DPYSL5: variants seen among roughly 807,000 people sequenced by gnomAD.
The protein encoded by DPYSL5 is dihydropyrimidinase-related protein 5.
DPYSL5 carries 9 observed loss-of-function variants against 58.4 expected under a neutral mutation model. That is an observed-to-expected ratio of 0.15 (90% CI 0.09 to 0.27). DPYSL5 has a LOEUF of 0.27. DPYSL5 is among the 10% of genes least tolerant of loss of function. The pLI is 1.00. For synonymous variants in DPYSL5, 293 were observed against 301.9 expected, an observed-to-expected ratio of 0.97 and a Z score of 0.31; for missense variants, 499 against 770.6, an observed-to-expected ratio of 0.65 and a Z score of 4.17.
intron 1 of DPYSL5, among the ~76,000 whole-genome samples, chr2:26,873,806 T>C (rs1007805850): frequency 1.3e-5 from 2 of 152,354 alleles, no homozygotes; most frequent in African/African-American, 4.8e-5. Flanking sequence ...GGGGTGGATC[T>C]TCTTTACTCG....
chr2:26,885,702 C>T (rs1183852706), intron 1 of DPYSL5, among the ~76,000 whole-genome samples: 1 of 152,168 alleles, frequency 6.6e-6, no homozygotes, highest in Non-Finnish European at 1.5e-5. Context: ...GACTGCTCTG[C>T]CTGATCAGTC....
chr2:26,890,966 A>G (rs1663865611), intron 1 of DPYSL5, among the ~76,000 whole-genome samples: 1 of 152,194 alleles, frequency 6.6e-6, no homozygotes, highest in Non-Finnish European at 1.5e-5. Flanking sequence ...AAACTTTCTA[A>G]GAGGCCCCAT....
rs116449148 is a variant in DPYSL5, at chr2:26,922,029, G to A, written c.262-2858G>A. On this transcript the variant is annotated intron_variant, in intron 2 of 12. Transcript: ENST00000288699. ...GGCTCTGGACTTTAGGGTCCTCTTC[G>A]GGCCCTCCAACAACTTGTACCCCTG... is the stretch of plus-strand genomic sequence containing the variant. 6.2e-3 allele frequency among the ~76,000 whole-genome samples: 945 copies of A among 152,162 alleles called. 10 individuals are homozygous for A. The highest frequency in any genetic ancestry group is 9.8e-3 in the Non-Finnish European group (665 of 68,002).
Position 26,928,238 on chromosome 2 carries a change from C to T in DPYSL5, c.601-17C>T. On this transcript the variant is annotated splice_polypyrimidine_tract_variant and intron_variant, in intron 4 of 12. Transcript: ENST00000288699. ...CTCTGTGATTCTCTCCATTTTCTTTCTCTTGCTGTTATCCAGGGTGCTAAG... is the reference window on the plus strand; with the variant it reads ...CTCTGTGATTCTCTCCATTTTCTTTTTCTTGCTGTTATCCAGGGTGCTAAG... 6.2e-7 allele frequency: 1 copy of T among 1,613,512 alleles called. No homozygotes were observed. Among genetic ancestry groups the T allele is most frequent in the Non-Finnish European group, 8.5e-7 (1 of 1,179,620 alleles).
chr2:26,894,110 T>C (rs1663955523), intron 1 of DPYSL5, among the ~76,000 whole-genome samples: 1 of 150,836 alleles, frequency 6.6e-6, no homozygotes, highest in East Asian at 1.9e-4. Context: ...TAAATCCTTA[T>C]TATTATAGAT....
rs765339264 is a variant in DPYSL5, at chr2:26,942,134, A to AT, written c.1232+46dup. ...GTCCCCAGGGCTAGAGGGGCTTGGGATTTTGAAGAAGACTTGCATTACAGA... is the reference window on the plus strand; with the variant it reads ...GTCCCCAGGGCTAGAGGGGCTTGGGATTTTTGAAGAAGACTTGCATTACAGA... On this transcript the variant is annotated intron_variant, in intron 10 of 12. Transcript: ENST00000288699. This position sits in a 1 kb window ranked among gnomAD's most constrained non-coding sequence, Gnocchi z 5.9. The AT allele has an allele frequency of 6.2e-7, 1 of 1,607,814 alleles. No homozygotes were observed. Among genetic ancestry groups the AT allele is most frequent in the Admixed American group, 1.7e-5 (1 of 58,688 alleles).
chr2:26,936,310 A>G (rs898224097), intron 8 of DPYSL5, among the ~76,000 whole-genome samples: 1 of 152,094 alleles, frequency 6.6e-6, no homozygotes, highest in East Asian at 1.9e-4. Context: ...TGGCTGTCTT[A>G]GATAATAAGG....
At position 26,909,696 on chromosome 2, in the gene DPYSL5, G is replaced by A. The variant is rs140139949; in HGVS notation, c.261+10936G>A. Among the ~76,000 whole-genome samples the A allele has an allele frequency of 1.2e-3, 176 of 152,088 alleles. 3 individuals are homozygous for A. Among genetic ancestry groups the A allele is most frequent in the East Asian group, 6.2e-3 (32 of 5,164 alleles). On this transcript the variant is annotated intron_variant, in intron 2 of 12. Transcript: ENST00000288699. ...GCAGGAGGAGTTTGAGCTCACTTGAGCTCAGAAGTTTGAGGCTGCAGTGAG... is the reference window on the plus strand; with the variant it reads ...GCAGGAGGAGTTTGAGCTCACTTGAACTCAGAAGTTTGAGGCTGCAGTGAG...
intron 2 of DPYSL5, among the ~76,000 whole-genome samples, chr2:26,918,503 A>G (rs75739698): frequency 0.012 from 1,751 of 151,348 alleles, 45 homozygotes; most frequent in African/African-American, 0.04. Context: ...CTTCGGGAGG[A>G]TGTGAATAAA....
chr2:26,915,616 G>A (rs1308257039), intron 2 of DPYSL5, among the ~76,000 whole-genome samples: 2 of 152,128 alleles, frequency 1.3e-5, no homozygotes, highest in African/African-American at 2.4e-5. Context: ...CAACAGCATG[G>A]TAACTTCAGC....
chr2:26,904,235 T>C (rs1664234993), intron 2 of DPYSL5, among the ~76,000 whole-genome samples: 2 of 152,108 alleles, frequency 1.3e-5, no homozygotes, highest in South Asian at 2.1e-4. Flanking sequence ...CGCTAGGACA[T>C]AAATAAATTC....
At chr2:26,940,355 T>C (rs1411801282) in intron 9 of DPYSL5, among the ~76,000 whole-genome samples, 183 bp downstream of exon 9, 5 of 151,386 alleles carry the variant, frequency 3.3e-5, no homozygotes, top group Non-Finnish European at 7.4e-5. Flanking sequence ...TTCCCCCAAT[T>C]AGAAAGGTAG....
rs911538517 is a variant in DPYSL5 at position 26,877,722 on chromosome 2, G to T, written c.-4-20774G>T. On this transcript the variant is annotated intron_variant, in intron 1 of 12. Transcript: ENST00000288699. The surrounding 1 kb of genome is among the most constrained non-coding windows in gnomAD (Gnocchi z 4.1). ...ACTGTAATTCTCCTGTGGGAAAACT[G>T]CAGTTAATAGTTTCATATATATATG... Among the ~76,000 whole-genome samples, 2 of 152,156 alleles carry T rather than the reference G, an allele frequency of 1.3e-5. No homozygotes were observed. Among genetic ancestry groups the T allele is most frequent in the African/African-American group, 4.8e-5 (2 of 41,434 alleles).
In DPYSL5 at chr2:26,948,778, A is replaced by G. The variant is rs899094383; in HGVS notation, c.*1783A>G. 3 of 152,176 alleles carry G rather than the reference A, an allele frequency of 2.0e-5. No individual in the cohort carries two copies. Among genetic ancestry groups the G allele is most frequent in the Non-Finnish European group, 4.4e-5 (3 of 68,126 alleles). The allele number at this position is 152,176 out of a possible 1,614,324, so 9.4% of individuals were successfully genotyped here. ...AGGCTGAGGCAGGAGAATAGCGTGA[A>G]CCCGGGAGGCGGAGCTTGCAGTGAG... On this transcript the variant is annotated 3_prime_UTR_variant, in exon 13 of 13. Transcript: ENST00000288699.
At chr2:26,899,982 C>T (rs776141844) in intron 2 of DPYSL5, among the ~76,000 whole-genome samples, 11 of 152,202 alleles carry the variant, frequency 7.2e-5, no homozygotes, top group Non-Finnish European at 1.6e-4. Flanking sequence ...CAGTCGGGAC[C>T]TTTCTCAAGT....
At chr2:26,931,197 G>GTATA (rs1345488521) in intron 5 of DPYSL5, among the ~76,000 whole-genome samples, 5 of 52,496 alleles carry the variant, frequency 9.5e-5, no homozygotes, top group African/African-American at 2.4e-4. Context: ...GTGTGTGTGT[G>GTATA]TGTGTGTATA....
rs754514639 is a variant in DPYSL5, at chr2:26,933,327, A to G, written c.784A>G (p.Met262Val). ...SAGDVIAAAK[M>V]QGKVVLAETT... is the part of the protein sequence containing the mutation. ...TGGTGACGTTATCGCAGCTGCTAAG[A>G]TGCAAGGTGAGTCCATAGACTTGGC... The change falls in exon 7 of 13, where the codon ATG becomes GTG. Residue 262 changes from methionine (M) to valine (V), a missense_variant. Met to Val is a conservative substitution (Grantham distance 21). Transcript: ENST00000288699. The surrounding 1 kb of genome is among the most constrained non-coding windows in gnomAD (Gnocchi z 4.2). 2 of 1,613,796 alleles carry G rather than the reference A, an allele frequency of 1.2e-6. No homozygotes were observed. Among genetic ancestry groups the G allele is most frequent in the African/African-American group, 2.7e-5 (2 of 74,874 alleles).
At chr2:26,923,252 GC>G (rs923836669) in intron 2 of DPYSL5, among the ~76,000 whole-genome samples, 4 of 152,270 alleles carry the variant, frequency 2.6e-5, no homozygotes, top group African/African-American at 9.6e-5. Flanking sequence ...GATCACTTGA[GC>G]CCAGGAGTTT....
chr2:26,893,733 T>C lies in DPYSL5; in HGVS notation c.-4-4763T>C, dbSNP rs190835860. On this transcript the variant is annotated intron_variant, in intron 1 of 12. Coordinates refer to ENST00000288699, the MANE Select transcript of DPYSL5 (RefSeq NM_020134.4). ...GACTGTCTTTGAGGACCCTACTCCATAGGTGGAGAGAGAATCTAGTGCCGT... is the reference window on the plus strand; with the variant it reads ...GACTGTCTTTGAGGACCCTACTCCACAGGTGGAGAGAGAATCTAGTGCCGT... Among the ~76,000 whole-genome samples the C allele has an allele frequency of 2.5e-3, 387 of 152,146 alleles. 3 individuals carry two copies. Among genetic ancestry groups the C allele is most frequent in the African/African-American group, 8.6e-3 (359 of 41,506 alleles).
Sources: gnomAD v4.1 joint callset for allele counts (sites outside exome capture counted in the v4.1 genomes callset) on GRCh38, gnomAD v4.1.1 for gene constraint, Gnocchi (gnomAD v3.1) non-coding constraint, MANE v1.5 for transcripts, NCBI Gene and HGNC (gene_info 2026-07-23, HGNC 2026-07-21) for gene names.